Variants in LVRN observed in about 807,000 individuals in gnomAD.
LVRN encodes the protein aminopeptidase Q.
A neutral mutation model predicts 111.4 loss-of-function variants in LVRN; 99 were observed. The observed-to-expected ratio is 0.89, with a 90% CI of 0.76 to 1.05. LVRN has a LOEUF of 1.05. Ranked by LOEUF, LVRN falls within the 50% of genes least tolerant of loss-of-function variation. The pLI, the probability that LVRN is intolerant of heterozygous loss-of-function variation, is 0.00. For missense variants in LVRN, 1,414 were observed against 1,206.8 expected (o/e 1.17, Z -2.54); for synonymous variants, 488 against 449.5 (o/e 1.09, Z -1.08).
intron 1 of LVRN, among the ~76,000 whole-genome samples, chr5:115,977,773 A>C (rs74975644): frequency 6.6e-6 from 1 of 152,226 alleles, no homozygotes; most frequent in East Asian, 1.9e-4. Flanking sequence ...ACATCTGTCA[A>C]TTAAGATGGT....
At chr5:116,009,753 A>G (rs761788880) in intron 13 of LVRN, among the ~76,000 whole-genome samples, 1 of 152,208 alleles carries the variant, frequency 6.6e-6, no homozygotes, top group Non-Finnish European at 1.5e-5. Flanking sequence ...CTCATGATCA[A>G]ACTAGAATGG....
intron 11 of LVRN, 46 bp from the exon 12 acceptor site, chr5:116,003,195 C>G (rs531826456): frequency 1.3e-5 from 20 of 1,498,296 alleles, no homozygotes; most frequent in African/African-American, 2.8e-5. Flanking sequence ...GTATTAAGAT[C>G]TTTTTTAAAT....
intron 1 of LVRN, among the ~76,000 whole-genome samples, chr5:115,965,041 CTCTT>C (rs972430751): frequency 2.0e-5 from 3 of 152,202 alleles, no homozygotes; most frequent in Non-Finnish European, 2.9e-5. Flanking sequence ...TTGAGCTAGT[CTCTT>C]AACCTCTCTG....
chr5:115,974,454 T>C (rs1753393460), intron 1 of LVRN: 1 of 152,308 alleles, frequency 6.6e-6, no homozygotes, highest in African/African-American at 2.4e-5. Context: ...TTTGAAACTA[T>C]ATATGTTATT....
At chr5:116,012,860 A>T (rs141882707) in intron 15 of LVRN, among the ~76,000 whole-genome samples, 159 of 152,336 alleles carry the variant, frequency 1.0e-3, no homozygotes, top group African/African-American at 3.6e-3. Flanking sequence ...ATTAACAGAA[A>T]TTCAGTCATT....
intron 17 of LVRN, 60 bp downstream of exon 17, chr5:116,015,479 A>T: frequency 6.8e-7 from 1 of 1,480,966 alleles, no homozygotes; most frequent in Non-Finnish European, 9.0e-7. Flanking sequence ...AATAAAGGAA[A>T]AAAAATAGAA....
chr5:116,022,027 C>T (rs1288694838), intron 18 of LVRN, among the ~76,000 whole-genome samples: 1 of 152,124 alleles, frequency 6.6e-6, no homozygotes, highest in East Asian at 1.9e-4. Context: ...AATGGATCCT[C>T]TATGAACTAC....
chr5:115,982,189 A>G (rs1225709569), intron 1 of LVRN, among the ~76,000 whole-genome samples: 1 of 152,192 alleles, frequency 6.6e-6, no homozygotes, highest in Non-Finnish European at 1.5e-5. Context: ...ACACCTCAAA[A>G]TGGCTGACTG....
intron 11 of LVRN, 78 bp downstream of exon 11, chr5:116,002,989 T>G: frequency 1.6e-6 from 2 of 1,230,974 alleles, no homozygotes; most frequent in Non-Finnish European, 2.3e-6. Context: ...AAAGTCTAGC[T>G]TTTGAAAAGC....
intron 3 of LVRN, among the ~76,000 whole-genome samples, chr5:115,987,222 A>G (rs1304096770): frequency 2.0e-5 from 3 of 152,342 alleles, no homozygotes; most frequent in African/African-American, 7.2e-5. Context: ...ATTTGGCAAT[A>G]GAAAAACAAG....
intron 9 of LVRN, among the ~76,000 whole-genome samples, 175 bp from the exon 10 acceptor site, chr5:116,000,892 T>C (rs1325661403): frequency 6.6e-6 from 1 of 152,166 alleles, no homozygotes; most frequent in Non-Finnish European, 1.5e-5. Flanking sequence ...AATTAATGAA[T>C]TAAAGAACCA....
rs1463008980 is a variant in LVRN, at chr5:116,027,400, A to G, written c.*1282A>G. On this transcript the variant is annotated 3_prime_UTR_variant, in exon 20 of 20. Coordinates refer to ENST00000357872, the MANE Select transcript of LVRN (RefSeq NM_173800.5). ...TCTTGTATAAGTTAAGGCAGCCATA[A>G]ATGAAAATACAAAACAAACGTTTGC... 6.6e-6 allele frequency: 1 copy of G among 152,150 alleles called. No homozygotes were observed. The highest frequency in any genetic ancestry group is 2.4e-5 in the African/African-American group (1 of 41,428). 9.4% of individuals were successfully genotyped at this position (152,150 alleles called of 1,614,324 possible). A position where few individuals can be genotyped will look rare whatever the true frequency, so the allele number is the denominator to read the frequency against.
At chr5:116,009,686 T>C (rs1177692974) in intron 13 of LVRN, among the ~76,000 whole-genome samples, 1 of 152,152 alleles carries the variant, frequency 6.6e-6, no homozygotes, top group Non-Finnish European at 1.5e-5. Context: ...ACAGTGGAAA[T>C]AGTGATAGAA....
chr5:115,990,038 T>C (rs1438276204), intron 4 of LVRN, among the ~76,000 whole-genome samples: 2 of 152,206 alleles, frequency 1.3e-5, no homozygotes, highest in African/African-American at 4.8e-5. Context: ...GTTGTTCTCT[T>C]AGCTAATTTT....
chr5:116,003,651 G>C (rs1353231288), intron 12 of LVRN, among the ~76,000 whole-genome samples: 6 of 150,156 alleles, frequency 4.0e-5, no homozygotes, highest in African/African-American at 1.2e-4. Flanking sequence ...ACGCGATCTC[G>C]GCTCACTGCA....
At chr5:115,992,036 A>T in intron 4 of LVRN, 87 bp from the exon 5 acceptor site, 2 of 1,329,274 alleles carry the variant, frequency 1.5e-6, no homozygotes, top group South Asian at 1.5e-5. Context: ...TTTTTTGGTA[A>T]TTTTATGATT....
At chr5:116,003,156 G>A (rs1748274134) in intron 11 of LVRN, 85 bp from the exon 12 acceptor site, 1 of 1,271,768 alleles carries the variant, frequency 7.9e-7, no homozygotes, top group Non-Finnish European at 1.1e-6. Context: ...TTGGTTTATT[G>A]TTTAGAATCG....
chr5:116,002,773 G>C, intron 10 of LVRN, 62 bp from the exon 11 acceptor site: 3 of 1,213,092 alleles, frequency 2.5e-6, no homozygotes, highest in South Asian at 1.3e-5. Context: ...CTTTAATAGT[G>C]GCTCAGAGTG....
chr5:115,999,130 A>G (rs1748183137), intron 6 of LVRN, among the ~76,000 whole-genome samples: 1 of 152,210 alleles, frequency 6.6e-6, no homozygotes, highest in African/African-American at 2.4e-5. Flanking sequence ...CTCTCTGGCT[A>G]TAAACTGATT....
Sources: allele counts gnomAD v4.1 joint callset (sites outside exome capture counted in the v4.1 genomes callset), GRCh38; gene constraint gnomAD v4.1.1; transcripts MANE v1.5; gene names NCBI Gene and HGNC (gene_info 2026-07-23, HGNC 2026-07-21).